The following DNAH7 variants were observed in gnomAD, a reference collection of about 807,000 sequenced individuals.
DNAH7 encodes the protein dynein axonemal heavy chain 7, also known as axonemal beta dynein heavy chain 7.
A neutral mutation model predicts 444.6 loss-of-function variants in DNAH7; 397 were observed. The ratio of observed to expected loss-of-function variants is 0.89; its 90% CI spans 0.82 to 0.97. The LOEUF is 0.97. Ranked by LOEUF, DNAH7 falls within the 50% of genes least tolerant of loss-of-function variation. The probability of loss-of-function intolerance (pLI) is 0.00; values close to 1 mark genes in which losing one functional copy is unlikely to be tolerated. For missense variants in DNAH7, 4,902 were observed against 4,800.8 expected, an observed-to-expected ratio of 1.02 and a Z score of -0.62; for synonymous variants, 1,636 against 1,624.4, an observed-to-expected ratio of 1.01 and a Z score of -0.17.
chr2:195,849,746 C>T (rs887192183), intron 46 of DNAH7, among the ~76,000 whole-genome samples: 1 of 151,994 alleles, frequency 6.6e-6, no homozygotes, highest in Non-Finnish European at 1.5e-5. Context: ...GGACTACAGG[C>T]ACACACCACC....
chr2:196,025,952 G>A (rs961090722), intron 7 of DNAH7, among the ~76,000 whole-genome samples: 1 of 152,076 alleles, frequency 6.6e-6, no homozygotes, highest in African/African-American at 2.4e-5. Flanking sequence ...CAGATTCCAA[G>A]GCCCTGACTC....
chr2:195,841,968 C>G (rs560441499), intron 47 of DNAH7, among the ~76,000 whole-genome samples: 26 of 152,032 alleles, frequency 1.7e-4, no homozygotes, highest in African/African-American at 5.8e-4. Context: ...TATGAAGCAG[C>G]AATACATTTC....
At chr2:196,035,749 A>G (rs1239343857) in intron 5 of DNAH7, among the ~76,000 whole-genome samples, 9 of 152,230 alleles carry the variant, frequency 5.9e-5, no homozygotes, top group Admixed American at 5.9e-4. Context: ...GCTCCATTGC[A>G]GGAAAAATGT....
At position 195,880,994 on chromosome 2, in the gene DNAH7, G is replaced by GT. The variant is rs199868134; in HGVS notation, c.5961+800dup. Among the ~76,000 whole-genome samples, 3,739 of 136,608 alleles carry GT rather than the reference G, an allele frequency of 0.027. 238 individuals are homozygous for GT. In the East Asian group the frequency reaches 0.28, roughly 10 times the overall value. The allele number at this position is 136,608 out of a possible 152,430, so 89.6% of individuals were successfully genotyped here. A position where few individuals can be genotyped will look rare whatever the true frequency, so the allele number is the denominator to read the frequency against. On this transcript the variant is annotated intron_variant, in intron 36 of 64. Transcript: ENST00000312428. ...TCTCTCAGCTTTCTGTACACTTTTA[G>GT]TTTTTTTTTTTTTTTAATCCAGGCC...
In DNAH7 at chr2:196,005,658, TA is replaced by T. The variant is rs1485970443; in HGVS notation, c.990-3801del. On this transcript the variant is annotated intron_variant, in intron 10 of 64. Coordinates refer to ENST00000312428, the MANE Select transcript of DNAH7 (RefSeq NM_018897.3). Reference sequence around the variant, plus strand: ...AAGACAAAAACTACCAAATCTGACTTAAAAAGACATAGAAAATATCAATAAA... The same window carrying T: ...AAGACAAAAACTACCAAATCTGACTTAAAAGACATAGAAAATATCAATAAA... 2.0e-5 allele frequency among the ~76,000 whole-genome samples: 3 copies of T among 151,758 alleles called. No homozygotes were observed. The South Asian group carries it at 6.2e-4, about 32-fold the overall frequency.
At chr2:196,043,277 A>AT (rs1696887759) in intron 5 of DNAH7, among the ~76,000 whole-genome samples, 1 of 152,074 alleles carries the variant, frequency 6.6e-6, no homozygotes, top group Non-Finnish European at 1.5e-5. Flanking sequence ...TGAAAATAAA[A>AT]TGTTCCCCCC....
At chr2:195,755,888 A>G (rs1003713384) in intron 62 of DNAH7, among the ~76,000 whole-genome samples, 1 of 152,180 alleles carries the variant, frequency 6.6e-6, no homozygotes, top group African/African-American at 2.4e-5. Context: ...GTAGGTATCT[A>G]TTTTAATGTT....
chr2:196,016,334 C>T (rs1051185682), intron 9 of DNAH7, among the ~76,000 whole-genome samples: 1 of 152,148 alleles, frequency 6.6e-6, no homozygotes, highest in Non-Finnish European at 1.5e-5. Context: ...TGTATGACCT[C>T]ATGACTGCAT....
In DNAH7 at chr2:195,875,811, A is replaced by C; in HGVS notation, c.6150T>G (p.Ala2050=). Residue 2050 remains alanine (A), a synonymous_variant, in exon 38 of 65, where the codon GCT becomes GCG. Transcript: ENST00000312428. ...GAGGTTGAGCCCCATATACCTCCCG[A>C]GCAGGCATATTGACATCATCTACAA... ...VVFVDDVNMP[A]REVYGAQPPI... 6.2e-7 allele frequency: 1 copy of C among 1,610,834 alleles called. No individual in the cohort carries two copies. The highest frequency in any genetic ancestry group is 8.5e-7 in the Non-Finnish European group (1 of 1,179,110).
chr2:195,785,152 C>T (rs189264353), intron 58 of DNAH7, among the ~76,000 whole-genome samples: 315 of 152,294 alleles, frequency 2.1e-3, no homozygotes, highest in African/African-American at 6.8e-3. Context: ...ACCTCGTGAT[C>T]TGCCTGCCTT....
At chr2:195,956,625 TG>T (rs1690675403) in intron 19 of DNAH7, among the ~76,000 whole-genome samples, 2 of 149,228 alleles carry the variant, frequency 1.3e-5, no homozygotes, top group African/African-American at 5.1e-5. Flanking sequence ...CACTCCAGCC[TG>T]GGTGACAGAG....
At position 195,979,687 on chromosome 2, in the gene DNAH7, A is replaced by C. The variant is rs10168731; in HGVS notation, c.1833+4945T>G. 1.1e-3 allele frequency among the ~76,000 whole-genome samples: 160 copies of C among 152,252 alleles called. 2 individuals carry two copies. Among genetic ancestry groups the C allele is most frequent in the African/African-American group, 3.8e-3 (156 of 41,568 alleles). On this transcript the variant is annotated intron_variant, in intron 15 of 64. Coordinates refer to ENST00000312428, the MANE Select transcript of DNAH7 (RefSeq NM_018897.3). ...AAAGATGAACTGAAAAGTTGGTTTTATGAAAAGCTAAACAACATTGACATA... is the reference window on the plus strand; with the variant it reads ...AAAGATGAACTGAAAAGTTGGTTTTCTGAAAAGCTAAACAACATTGACATA...
chr2:195,738,098 A>G lies in DNAH7; in HGVS notation c.11898T>C (p.Asp3966=). Reference sequence around the variant, plus strand: ...CAACATAACTTGGCCGTTTTGGTATATCTGCCCTCTTACAGGGCTTTAGCC... The same window carrying G: ...CAACATAACTTGGCCGTTTTGGTATGTCTGCCCTCTTACAGGGCTTTAGCC... ...VMWLKPCKRA[D]IPKRPSYVAP... is the part of the protein sequence containing the mutation. Residue 3966 remains aspartate (D), a synonymous_variant, in exon 65 of 65, where the codon GAT becomes GAC. Coordinates refer to ENST00000312428, the MANE Select transcript of DNAH7 (RefSeq NM_018897.3). 1 of 1,613,920 alleles carries G rather than the reference A, an allele frequency of 6.2e-7. No homozygotes were observed. The highest frequency in any genetic ancestry group is 8.5e-7 in the Non-Finnish European group (1 of 1,179,836).
intron 61 of DNAH7, among the ~76,000 whole-genome samples, chr2:195,767,863 A>C (rs146529415): frequency 1.5e-3 from 226 of 152,072 alleles, no homozygotes; most frequent in African/African-American, 5.0e-3. Context: ...TCTTGGAATA[A>C]AGAAGATAAA....
intron 35 of DNAH7, among the ~76,000 whole-genome samples, chr2:195,884,231 G>C (rs1701579459): frequency 6.6e-6 from 1 of 152,192 alleles, no homozygotes; most frequent in East Asian, 1.9e-4. Flanking sequence ...TTAGTGCCTA[G>C]TATACTAACA....
intron 47 of DNAH7, among the ~76,000 whole-genome samples, chr2:195,843,785 G>A (rs937298837): frequency 5.9e-5 from 9 of 152,148 alleles, no homozygotes; most frequent in African/African-American, 2.2e-4. Context: ...GTTTTAATTT[G>A]TAAAATGATT....
chr2:195,741,118 A>C (rs539133477), intron 63 of DNAH7: 6 of 205,528 alleles, frequency 2.9e-5, no homozygotes, highest in Admixed American at 1.8e-4. Context: ...AATTTTAAAC[A>C]GGTCTATGGG....
In DNAH7 at chr2:195,886,245, A is replaced by C. The variant is rs758136828; in HGVS notation, c.5434T>G (p.Leu1812Val). The C allele has an allele frequency of 6.2e-7, 1 of 1,612,794 alleles. No individual in the cohort carries two copies. The highest frequency in any genetic ancestry group is 1.1e-5 in the South Asian group (1 of 90,630). The change falls in exon 34 of 65, where the codon TTG becomes GTG. Residue 1812 changes from leucine to valine, a missense_variant. Physicochemically the swap from Leu to Val is conservative, Grantham distance 32. Coordinates refer to ENST00000312428, the MANE Select transcript of DNAH7 (RefSeq NM_018897.3). ...ATTAGATTCATTAAGGACCGGACCA[A>C]GTTTGTATCGGAAGTAGGAGATAAT... ...KELSPTSDTN[L>V]VRSLMNLIDC...
intron 33 of DNAH7, among the ~76,000 whole-genome samples, chr2:195,888,028 C>G (rs1256350866): frequency 6.6e-6 from 1 of 151,964 alleles, no homozygotes; most frequent in Non-Finnish European, 1.5e-5. Context: ...CATGGTTATG[C>G]GGGCCTTTGA....
Sources: gnomAD v4.1 joint callset for allele counts (sites outside exome capture counted in the v4.1 genomes callset) on GRCh38, gnomAD v4.1.1 for gene constraint, MANE v1.5 for transcripts, NCBI Gene and HGNC (gene_info 2026-07-23, HGNC 2026-07-21) for gene names.